CRK: variants seen among roughly 807,000 people sequenced by gnomAD.
CRK encodes the protein CRK proto-oncogene, adaptor protein, also known as adapter molecule crk.
CRK carries 4 observed loss-of-function variants against 29.8 expected under a neutral mutation model. The ratio of observed to expected loss-of-function variants is 0.13; its 90% CI spans 0.07 to 0.31. The LOEUF is 0.31. CRK is among the 10% of genes least tolerant of loss of function. The pLI, the probability that CRK is intolerant of heterozygous loss-of-function variation, is 1.00. For synonymous variants in CRK, 153 were observed against 164.9 expected, an observed-to-expected ratio of 0.93 and a Z score of 0.55; for missense variants, 274 against 396.5, an observed-to-expected ratio of 0.69 and a Z score of 2.62.
At chr17:1,444,402 G>A (rs1009409375) in intron 1 of CRK, among the ~76,000 whole-genome samples, 2 of 152,158 alleles carry the variant, frequency 1.3e-5, no homozygotes, top group African/African-American at 2.4e-5. Context: ...GGTGGTGCGC[G>A]CCTTTAGTCC....
intron 2 of CRK, among the ~76,000 whole-genome samples, chr17:1,433,982 A>C (rs749146721): frequency 1.2e-4 from 18 of 152,026 alleles, no homozygotes; most frequent in Non-Finnish European, 2.1e-4. Flanking sequence ...TTACAGGCGT[A>C]AGTCACAGCA....
At chr17:1,435,469 A>G (rs534807413) in intron 2 of CRK, among the ~76,000 whole-genome samples, 263 of 11,206 alleles carry the variant, frequency 0.023, 3 homozygotes, top group African/African-American at 0.22. Flanking sequence ...GCAGAGAGGA[A>G]AAAAAAAAAA....
intron 2 of CRK, among the ~76,000 whole-genome samples, chr17:1,427,799 C>A (rs1026220578): frequency 5.3e-5 from 8 of 151,102 alleles, no homozygotes; most frequent in Non-Finnish European, 8.9e-5. Context: ...CCAGCCAGTA[C>A]TTTTTTCGTA....
chr17:1,426,922 C>G (rs2150899267), intron 2 of CRK, among the ~76,000 whole-genome samples: 1 of 150,946 alleles, frequency 6.6e-6, no homozygotes, highest in Non-Finnish European at 1.5e-5. Context: ...GTCCCAGCTA[C>G]TCAAGAGGCT....
rs968845920 is a variant in CRK, at chr17:1,423,070, C to G, written c.*443G>C. ...GCAATCCTGCTTGATACTATTCACA[C>G]GGTGCATGATTACTTCACGGGGGTG... is the stretch of plus-strand genomic sequence containing the variant. On this transcript the variant is annotated 3_prime_UTR_variant, in exon 3 of 3. Coordinates refer to ENST00000300574, the MANE Select transcript of CRK (RefSeq NM_016823.4). 2.5e-6 allele frequency: 1 copy of G among 403,940 alleles called. No homozygotes were observed. The highest frequency in any genetic ancestry group is 4.4e-6 in the Non-Finnish European group (1 of 229,282). 25.0% of individuals were successfully genotyped at this position (403,940 alleles called of 1,614,324 possible).
At chr17:1,451,530 C>T (rs144608367) in intron 1 of CRK, among the ~76,000 whole-genome samples, 2 of 152,032 alleles carry the variant, frequency 1.3e-5, no homozygotes, top group African/African-American at 2.4e-5. Context: ...CTGCGCCCGG[C>T]CTCTTCTTGC....
At chr17:1,451,355 C>T (rs994741451) in intron 1 of CRK, among the ~76,000 whole-genome samples, 2 of 151,932 alleles carry the variant, frequency 1.3e-5, no homozygotes, top group South Asian at 2.1e-4. Flanking sequence ...CTTAGCCTCT[C>T]CAGCAGCTAG....
At position 1,444,747 on chromosome 17, in the gene CRK, C is replaced by T. The variant is rs189761157; in HGVS notation, c.242-7592G>A. On this transcript the variant is annotated intron_variant, in intron 1 of 2. Transcript: ENST00000300574. ...ACTTGGGAGGCTGAGGCAGGAGAAT[C>T]GCTGGAACCCGGGAGGTGGAGGCTG... 9.7e-5 allele frequency among the ~76,000 whole-genome samples: 14 copies of T among 144,696 alleles called. No individual in the cohort carries two copies. In the East Asian group the frequency reaches 2.5e-3, roughly 26 times the overall value. 94.9% of individuals were successfully genotyped at this position (144,696 alleles called of 152,430 possible). A position where few individuals can be genotyped will look rare whatever the true frequency, so the allele number is the denominator to read the frequency against.
intron 2 of CRK, among the ~76,000 whole-genome samples, chr17:1,430,656 C>T (rs186303034): frequency 1.0e-3 from 157 of 151,686 alleles, no homozygotes; most frequent in Middle Eastern, 3.4e-3. Flanking sequence ...TGAGCCACCA[C>T]ACCCAGCCTG....
At chr17:1,439,126 C>T (rs959557048) in intron 1 of CRK, among the ~76,000 whole-genome samples, 4 of 151,782 alleles carry the variant, frequency 2.6e-5, no homozygotes, top group African/African-American at 9.7e-5. Flanking sequence ...GACGGAGTCT[C>T]GCTCTGTCCC....
intron 1 of CRK, among the ~76,000 whole-genome samples, chr17:1,447,948 C>T (rs923013211): frequency 3.3e-5 from 5 of 152,046 alleles, no homozygotes; most frequent in African/African-American, 9.7e-5. Flanking sequence ...ATTCTTGCTC[C>T]CTCCCTTCCT....
intron 2 of CRK, among the ~76,000 whole-genome samples, chr17:1,432,259 C>CA (rs1440879464): frequency 6.6e-6 from 1 of 151,964 alleles, no homozygotes; most frequent in Non-Finnish European, 1.5e-5. Context: ...GAGGCTGAGG[C>CA]AGGCGGATCG....
chr17:1,431,589 GT>G (rs1158576441), intron 2 of CRK, among the ~76,000 whole-genome samples: 1 of 152,054 alleles, frequency 6.6e-6, no homozygotes, highest in African/African-American at 2.4e-5. Flanking sequence ...AAGAAACTTG[GT>G]GTACTAGTTT....
intron 2 of CRK, among the ~76,000 whole-genome samples, chr17:1,425,445 A>G (rs1452133928): frequency 6.6e-6 from 1 of 152,062 alleles, no homozygotes; most frequent in Non-Finnish European, 1.5e-5. Flanking sequence ...CTCAGGCTGG[A>G]GAGCACTGAC....
At chr17:1,445,867 G>A (rs990641109) in intron 1 of CRK, among the ~76,000 whole-genome samples, 1 of 152,204 alleles carries the variant, frequency 6.6e-6, no homozygotes, top group Non-Finnish European at 1.5e-5. Flanking sequence ...ACATGCCAAG[G>A]TGTTCTATTA....
Position 1,451,192 on chromosome 17 carries a change from CAAAAAAA to C in CRK, c.241+4678_241+4684del, listed in dbSNP as rs10691537. Among the ~76,000 whole-genome samples the C allele has an allele frequency of 2.8e-4, 19 of 66,974 alleles. 1 individual carries two copies. The highest frequency in any genetic ancestry group is 3.9e-4 in the Non-Finnish European group (15 of 38,340). 43.9% of individuals were successfully genotyped at this position (66,974 alleles called of 152,430 possible). ...TCGGTGACAGAGCGAGAAACTGTCT[CAAAAAAA>C]AAAAAAAAAAAAGCAATAACAATTT... On this transcript the variant is annotated intron_variant, in intron 1 of 2. Transcript: ENST00000300574.
chr17:1,442,552 C>CT (rs996014573), intron 1 of CRK, among the ~76,000 whole-genome samples: 1 of 150,158 alleles, frequency 6.7e-6, no homozygotes, highest in Non-Finnish European at 1.5e-5. Flanking sequence ...TGCATCCAGC[C>CT]ATTATTAATT....
intron 1 of CRK, among the ~76,000 whole-genome samples, chr17:1,447,798 G>C (rs2073986642): frequency 6.6e-6 from 1 of 151,494 alleles, no homozygotes; most frequent in African/African-American, 2.4e-5. Context: ...TGTATTTTTA[G>C]GAAAGACAGG....
intron 1 of CRK, among the ~76,000 whole-genome samples, chr17:1,449,461 T>C (rs1426152708): frequency 6.6e-6 from 1 of 152,182 alleles, no homozygotes; most frequent in Non-Finnish European, 1.5e-5. Context: ...ATATGGAGTA[T>C]CATTCCAACA....
Sources: gnomAD v4.1 joint callset for allele counts (sites outside exome capture counted in the v4.1 genomes callset) on GRCh38, gnomAD v4.1.1 for gene constraint, MANE v1.5 for transcripts, NCBI Gene and HGNC (gene_info 2026-07-23, HGNC 2026-07-21) for gene names.